The following RBM6 variants were observed in gnomAD, a reference collection of about 807,000 sequenced individuals.
RBM6 encodes RNA binding motif protein 6, also known as RNA-binding protein 6.
In RBM6, 23 loss-of-function variants were observed where a neutral mutation model predicts 140.4. The observed-to-expected ratio is 0.16, with a 90% confidence interval of 0.12 to 0.23. RBM6 has a LOEUF of 0.23. Among genes scored for constraint, RBM6 ranks in the 10% least tolerant of loss-of-function variants. The probability of loss-of-function intolerance (pLI) is 1.00; values close to 1 mark genes in which losing one functional copy is unlikely to be tolerated. For missense variants in RBM6, 1,139 were observed against 1,386.7 expected (o/e 0.82, Z 2.84); for synonymous variants, 439 against 475.6 (o/e 0.92, Z 1.00).
chr3:50,052,980 G>A (rs543666307), intron 7 of RBM6, among the ~76,000 whole-genome samples: 50 of 139,644 alleles, frequency 3.6e-4, no homozygotes, highest in Admixed American at 1.7e-3. Flanking sequence ...TTTGGCAGTG[G>A]GCAGGGGTGT....
intron 3 of RBM6, among the ~76,000 whole-genome samples, chr3:49,971,388 T>C (rs1169224606): frequency 6.8e-6 from 1 of 147,696 alleles, no homozygotes; most frequent in Non-Finnish European, 1.5e-5. Context: ...GAGGCTGCAG[T>C]GGGCTGAGAT....
intron 1 of RBM6, among the ~76,000 whole-genome samples, chr3:49,942,097 T>TC (rs1450701224): frequency 3.9e-4 from 38 of 96,324 alleles, no homozygotes; most frequent in Admixed American, 2.7e-3. Flanking sequence ...CAAGACTGTC[T>TC]CAAAAAAAAA....
chr3:49,991,181 A>C (rs2085802678), intron 5 of RBM6, among the ~76,000 whole-genome samples: 1 of 152,218 alleles, frequency 6.6e-6, no homozygotes, highest in Non-Finnish European at 1.5e-5. Context: ...TAGCCAGATG[A>C]GGAGATAGAT....
chr3:49,994,411 CA>C (rs2085974799), intron 5 of RBM6, among the ~76,000 whole-genome samples: 1 of 152,156 alleles, frequency 6.6e-6, no homozygotes, highest in South Asian at 2.1e-4. Context: ...ATCTTGCGCA[CA>C]AAGCCTCCTT....
intron 9 of RBM6, 74 bp downstream of exon 9, chr3:50,058,077 G>A (rs1230593242): frequency 2.6e-6 from 4 of 1,514,652 alleles, no homozygotes; most frequent in African/African-American, 1.4e-5. Context: ...GTTATGTCCG[G>A]GAGCTATCTG....
At chr3:49,970,508 G>C (rs2084742134) in intron 3 of RBM6, among the ~76,000 whole-genome samples, 2 of 152,274 alleles carry the variant, frequency 1.3e-5, no homozygotes, top group Admixed American at 1.3e-4. Context: ...ACCTGTGATT[G>C]TTTAGGGATC....
intron 6 of RBM6, among the ~76,000 whole-genome samples, chr3:50,042,637 G>T (rs2088989522): frequency 6.6e-6 from 1 of 152,124 alleles, no homozygotes; most frequent in East Asian, 1.9e-4. Flanking sequence ...TAGGGAGGCT[G>T]AGGTAGGAGG....
At chr3:49,968,923 A>G (rs1453286300) in intron 3 of RBM6, among the ~76,000 whole-genome samples, 175 bp downstream of exon 3, 2 of 149,550 alleles carry the variant, frequency 1.3e-5, no homozygotes, top group East Asian at 2.0e-4. Flanking sequence ...GGGACTGACT[A>G]CAGGCGCCCA....
chr3:50,029,789 G>A (rs957181291), intron 6 of RBM6, among the ~76,000 whole-genome samples: 5 of 152,032 alleles, frequency 3.3e-5, no homozygotes, highest in Non-Finnish European at 5.9e-5. Context: ...TTGGGAGGCC[G>A]AGGCAGGAGG....
chr3:50,066,721 G>A (rs138446255), intron 17 of RBM6, among the ~76,000 whole-genome samples: 4,902 of 152,240 alleles, frequency 0.032, 103 homozygotes, highest in Middle Eastern at 0.058. Context: ...CCAGCCACTC[G>A]GGAGGCTGAG....
At chr3:49,951,297 C>CCCAGGCACA (rs1306716785) in intron 1 of RBM6, among the ~76,000 whole-genome samples, 1 of 152,026 alleles carries the variant, frequency 6.6e-6, no homozygotes, top group Non-Finnish European at 1.5e-5. Context: ...ACTGCAACCT[C>CCCAGGCACA]TGCCTCCCAG....
chr3:49,958,636 A>G (rs548210244), intron 1 of RBM6, among the ~76,000 whole-genome samples: 5 of 151,868 alleles, frequency 3.3e-5, no homozygotes, highest in East Asian at 1.9e-4. Context: ...CTGTAGTCCC[A>G]GTTACTCGGG....
intron 1 of RBM6, among the ~76,000 whole-genome samples, chr3:49,948,876 G>T (rs1201367648): frequency 7.0e-6 from 1 of 142,082 alleles, no homozygotes; most frequent in East Asian, 2.1e-4. Flanking sequence ...TGTCGCCCAG[G>T]CTGGAGTGCT....
intron 6 of RBM6, 34 bp downstream of exon 6, chr3:49,999,547 G>A: frequency 6.5e-7 from 1 of 1,534,030 alleles, no homozygotes; most frequent in Non-Finnish European, 9.0e-7. Context: ...GATGCTGGAA[G>A]GATATATTTT....
intron 11 of RBM6, 107 bp downstream of exon 11, chr3:50,059,853 T>A (rs2089867159): frequency 2.4e-6 from 2 of 822,218 alleles, no homozygotes; most frequent in Non-Finnish European, 3.8e-6. Flanking sequence ...TTTCCTAACA[T>A]GGACTGCTTC....
chr3:50,071,076 T>G (rs1234694929), intron 19 of RBM6, among the ~76,000 whole-genome samples: 2 of 152,212 alleles, frequency 1.3e-5, no homozygotes, highest in Non-Finnish European at 2.9e-5. Context: ...ACATAGATTA[T>G]CCTTGACTGA....
intron 15 of RBM6, among the ~76,000 whole-genome samples, chr3:50,064,416 G>A (rs539438872): frequency 1.3e-5 from 2 of 152,230 alleles, no homozygotes; most frequent in Middle Eastern, 3.4e-3. Context: ...TACATAGGAG[G>A]ATCATAGTAA....
At chr3:50,014,453 ACAAAC>A (rs1315143464) in intron 6 of RBM6, among the ~76,000 whole-genome samples, 7 of 152,302 alleles carry the variant, frequency 4.6e-5, no homozygotes, top group African/African-American at 1.4e-4. Context: ...ACTAGAAAAA[ACAAAC>A]AAGTTGAGAG....
At chr3:50,013,624 C>T (rs1205464135) in intron 6 of RBM6, among the ~76,000 whole-genome samples, 1 of 152,168 alleles carries the variant, frequency 6.6e-6, no homozygotes, top group African/African-American at 2.4e-5. Flanking sequence ...GCCCAGATTT[C>T]ACCACTGCAC....
Sources: allele counts gnomAD v4.1 joint callset (sites outside exome capture counted in the v4.1 genomes callset), GRCh38; gene constraint gnomAD v4.1.1; transcripts MANE v1.5; gene names NCBI Gene and HGNC (gene_info 2026-07-23, HGNC 2026-07-21).